The following TNRC6A variants were observed in gnomAD, a reference collection of about 807,000 sequenced individuals.
TNRC6A encodes trinucleotide repeat containing adaptor 6A.
Under a neutral mutation model 221.2 loss-of-function variants are expected in TNRC6A, and 44 were observed. The observed-to-expected ratio is 0.20, with a 90% CI of 0.16 to 0.26. TNRC6A has a LOEUF of 0.26. TNRC6A is among the 10% of genes least tolerant of loss of function. The pLI is 1.00. For synonymous variants in TNRC6A, 847 were observed against 838.5 expected, an observed-to-expected ratio of 1.01 and a Z score of -0.18; for missense variants, 2,199 against 2,404.4, an observed-to-expected ratio of 0.91 and a Z score of 1.79.
chr16:24,644,777 C>T (rs900769708), intron 2 of TNRC6A, among the ~76,000 whole-genome samples: 27 of 152,164 alleles, frequency 1.8e-4, no homozygotes, highest in African/African-American at 6.5e-4. Flanking sequence ...AGAATAATAA[C>T]ACAAACCACA....
chr16:24,747,191 AGTGT>A (rs1176519869), intron 2 of TNRC6A, among the ~76,000 whole-genome samples: 1 of 152,214 alleles, frequency 6.6e-6, no homozygotes, highest in Non-Finnish European at 1.5e-5. Context: ...TCAAACATTG[AGTGT>A]GTAGGTGAAT....
intron 1 of TNRC6A, among the ~76,000 whole-genome samples, chr16:24,634,230 C>T (rs1053328044): frequency 1.3e-5 from 2 of 151,970 alleles, no homozygotes; most frequent in Non-Finnish European, 2.9e-5. Flanking sequence ...AGTTGAAGGC[C>T]AGCCTAAACT....
intron 1 of TNRC6A, among the ~76,000 whole-genome samples, chr16:24,638,803 C>T (rs1468244800): frequency 4.6e-5 from 7 of 152,118 alleles, no homozygotes; most frequent in African/African-American, 1.7e-4. Context: ...AACTGACTGC[C>T]TTGGGAAAAC....
At chr16:24,636,569 A>G (rs1901647286) in intron 1 of TNRC6A, among the ~76,000 whole-genome samples, 1 of 151,818 alleles carries the variant, frequency 6.6e-6, no homozygotes, top group Admixed American at 6.6e-5. Flanking sequence ...GGGTCTCACT[A>G]TGTTGTCCAG....
At chr16:24,735,271 T>A (rs1251364048) in intron 2 of TNRC6A, among the ~76,000 whole-genome samples, 1 of 152,044 alleles carries the variant, frequency 6.6e-6, no homozygotes, top group Non-Finnish European at 1.5e-5. Context: ...AGAGTGAAAC[T>A]CTGTTTCGAA....
chr16:24,711,857 C>T (rs1451380057), intron 2 of TNRC6A, among the ~76,000 whole-genome samples: 1 of 151,984 alleles, frequency 6.6e-6, no homozygotes, highest in Non-Finnish European at 1.5e-5. Flanking sequence ...GATGGAATCA[C>T]ACTATGTTGC....
At chr16:24,805,371 G>T in intron 14 of TNRC6A, 1 of 942,638 alleles carries the variant, frequency 1.1e-6, no homozygotes, top group Non-Finnish European at 1.5e-6. Context: ...ATTCTTGAGA[G>T]TAGGACAAAA....
At chr16:24,810,754 C>T (rs1444213759) in intron 18 of TNRC6A, among the ~76,000 whole-genome samples, 1 of 151,892 alleles carries the variant, frequency 6.6e-6, no homozygotes, top group Non-Finnish European at 1.5e-5. Context: ...AAAACTTGTG[C>T]CAAGAATGAT....
intron 5 of TNRC6A, among the ~76,000 whole-genome samples, chr16:24,781,394 T>C (rs2057842776): frequency 6.6e-6 from 1 of 152,018 alleles, no homozygotes; most frequent in South Asian, 2.1e-4. Context: ...TTACAGAATT[T>C]CTCCCTCCCC....
At chr16:24,641,522 T>A (rs765759375) in intron 2 of TNRC6A, among the ~76,000 whole-genome samples, 1 of 152,012 alleles carries the variant, frequency 6.6e-6, no homozygotes, top group Non-Finnish European at 1.5e-5. Flanking sequence ...TGGTCAGCAG[T>A]GATGGTGGAA....
chr16:24,651,184 CAAAAAAA>C (rs551269541), intron 2 of TNRC6A, among the ~76,000 whole-genome samples: 10 of 111,910 alleles, frequency 8.9e-5, no homozygotes, highest in Non-Finnish European at 2.0e-4. Flanking sequence ...CTGGGTATGG[CAAAAAAA>C]AAAAAAAAAA....
At chr16:24,657,309 C>T (rs1241538028) in intron 2 of TNRC6A, among the ~76,000 whole-genome samples, 6 of 109,382 alleles carry the variant, frequency 5.5e-5, no homozygotes, top group Non-Finnish European at 8.9e-5. Context: ...CAGAGTGAGA[C>T]CCTATCTCAA....
chr16:24,651,538 CAAA>C (rs768568973), intron 2 of TNRC6A, among the ~76,000 whole-genome samples: 6,941 of 48,862 alleles, frequency 0.14, 698 homozygotes, highest in African/African-American at 0.35. Flanking sequence ...AACTCCATCT[CAAA>C]AAAAAAAAAA....
Position 24,822,960 on chromosome 16 carries a change from G to T in TNRC6A, c.5460G>T (p.Leu1820=), listed in dbSNP as rs530654403. The T allele has an allele frequency of 4.3e-6, 7 of 1,614,234 alleles. No individual in the cohort carries two copies. The African/African-American group carries it at 9.3e-5, about 22-fold the overall frequency. The part of the protein sequence containing the change: ...FHLNLPHGNA[L]VRYSSKEEVV... ...TGAACCTCCCTCACGGAAATGCTCT[G>T]GTCCGCTACAGTTCAAAAGAAGAGG... Residue 1820 remains leucine, a synonymous_variant, in exon 24 of 25, where the codon CTG becomes CTT. Transcript: ENST00000395799.
At chr16:24,682,553 T>G (rs962571424) in intron 2 of TNRC6A, among the ~76,000 whole-genome samples, 1 of 151,972 alleles carries the variant, frequency 6.6e-6, no homozygotes, top group Non-Finnish European at 1.5e-5. Context: ...AGAGGAACTC[T>G]ACAAACGGAG....
At chr16:24,805,437 C>A in intron 14 of TNRC6A, 168 bp from the exon 15 acceptor site, 1 of 1,047,760 alleles carries the variant, frequency 9.5e-7, no homozygotes, top group South Asian at 1.7e-5. Flanking sequence ...ACTTAACCCA[C>A]GAAAAAGTGT....
intron 2 of TNRC6A, among the ~76,000 whole-genome samples, chr16:24,706,858 A>ATTGC (rs2056103643): frequency 6.6e-6 from 1 of 152,054 alleles, no homozygotes; most frequent in African/African-American, 2.4e-5. Context: ...CAGTGCAGTA[A>ATTGC]TTGCTGTTAG....
In TNRC6A at chr16:24,820,251, C is replaced by G. The variant is rs779544723; in HGVS notation, c.5193C>G (p.Ser1731=). Residue 1731 remains serine, a synonymous_variant, in exon 22 of 25, where the codon TCC becomes TCG. Transcript: ENST00000395799. ...PLPPKNITAP[S]RPPPGLTGQK... Reference sequence around the variant, plus strand: ...CACCTAAAAACATCACTGCTCCGTCCCGCCCACCTCCGGGACTGACTGGTC... The same window carrying G: ...CACCTAAAAACATCACTGCTCCGTCGCGCCCACCTCCGGGACTGACTGGTC... 2.5e-5 allele frequency: 41 copies of G among 1,613,992 alleles called. No individual in the cohort carries two copies. The highest frequency in any genetic ancestry group is 3.4e-5 in the Non-Finnish European group (40 of 1,180,038).
At chr16:24,772,753 A>G (rs1214240562) in intron 4 of TNRC6A, among the ~76,000 whole-genome samples, 1 of 152,242 alleles carries the variant, frequency 6.6e-6, no homozygotes, top group Non-Finnish European at 1.5e-5. Flanking sequence ...ACAGCACTCC[A>G]GCCTGAGCGA....
Sources: gnomAD v4.1 joint callset for allele counts (sites outside exome capture counted in the v4.1 genomes callset) on GRCh38, gnomAD v4.1.1 for gene constraint, MANE v1.5 for transcripts, NCBI Gene and HGNC (gene_info 2026-07-23, HGNC 2026-07-21) for gene names.